Variants in PARP4 observed in about 807,000 individuals in gnomAD.
The protein encoded by PARP4 is poly(ADP-ribose) polymerase family member 4.
In PARP4, 120 loss-of-function variants were observed where a neutral mutation model predicts 187.7. The ratio of observed to expected loss-of-function variants is 0.64; its 90% confidence interval spans 0.55 to 0.74. The LOEUF is 0.74. Ranked by LOEUF, PARP4 falls within the 30% of genes least tolerant of loss-of-function variation. PARP4 has a pLI of 0.00. For synonymous variants in PARP4, 654 were observed against 740.9 expected (o/e 0.88, Z 1.90); for missense variants, 1,836 against 2,070.5 (o/e 0.89, Z 2.20).
chr13:24,455,506 T>TATATATATCACA (rs1555234626), intron 21 of PARP4, among the ~76,000 whole-genome samples: 19 of 135,436 alleles, frequency 1.4e-4, no homozygotes, highest in African/African-American at 2.5e-4. Flanking sequence ...TATATATATA[T>TATATATATCACA]CACACTATTC....
At position 24,456,444 on chromosome 13, in the gene PARP4, T is replaced by G; in HGVS notation, c.2459A>C (p.Glu820Ala). Residue 820 changes from glutamate (E) to alanine (A), a missense_variant, in exon 21 of 34, where the codon GAA (glutamate) becomes GCA (alanine). Around this residue, in one of 8 missense-constraint regions of PARP4, gnomAD observed 1,147 missense variants for 1,214.2 expected, o/e 0.94. Coordinates refer to ENST00000381989, the MANE Select transcript of PARP4 (RefSeq NM_006437.4). ...TCCACTGCTGTCTAAGGAGCTGCCT[T>G]CCATGGTGCTAATGACAGCTTTGCA... is the stretch of plus-strand genomic sequence containing the variant. ...TDCKAVISTMEGSSLDSSGFS... is the reference protein window; with the variant it reads ...TDCKAVISTMAGSSLDSSGFS... 6.2e-7 allele frequency: 1 copy of G among 1,608,644 alleles called. No individual in the cohort carries two copies. The highest frequency in any genetic ancestry group is 8.5e-7 in the Non-Finnish European group (1 of 1,175,772).
chr13:24,469,065 T>A lies in PARP4; in HGVS notation c.2092A>T (p.Thr698Ser). Residue 698 changes from threonine to serine, a missense_variant, in exon 17 of 34, where the codon ACC (threonine) becomes TCC (serine). Coordinates refer to ENST00000381989, the MANE Select transcript of PARP4 (RefSeq NM_006437.4). ...EAQQEYLEAVTQGHGAYLMSQ... is the reference protein window; with the variant it reads ...EAQQEYLEAVSQGHGAYLMSQ... Reference sequence around the variant, plus strand: ...ATCAGGTAAGCGCCATGGCCCTGGGTCACGGCTTCTAGGTACTCTTGCTGG... The same window carrying A: ...ATCAGGTAAGCGCCATGGCCCTGGGACACGGCTTCTAGGTACTCTTGCTGG... 6.2e-7 allele frequency: 1 copy of A among 1,614,008 alleles called. No homozygotes were observed. Among genetic ancestry groups the A allele is most frequent in the Non-Finnish European group, 8.5e-7 (1 of 1,179,862 alleles).
At chr13:24,479,227 T>C (rs918061071) in intron 12 of PARP4, among the ~76,000 whole-genome samples, 16 of 152,192 alleles carry the variant, frequency 1.1e-4, no homozygotes, top group African/African-American at 3.6e-4. Context: ...TGCCGAAGTA[T>C]GGCCAGACGA....
Position 24,445,280 on chromosome 13 carries a change from T to C in PARP4, c.3366+1401A>G, listed in dbSNP as rs1479418344. On this transcript the variant is annotated intron_variant, in intron 27 of 33. Transcript: ENST00000381989. ...CTACAGACATAAGAAATGTATGTAT[T>C]TGTTATTCCTAACAGGACCCTTCAA... is the stretch of plus-strand genomic sequence containing the variant. 2.0e-5 allele frequency among the ~76,000 whole-genome samples: 3 copies of C among 151,932 alleles called. No individual in the cohort carries two copies. In the East Asian group the frequency reaches 5.8e-4, roughly 29 times the overall value.
Position 24,479,411 on chromosome 13 carries a change from C to T in PARP4, c.1449-1135G>A, listed in dbSNP as rs145075297. 5.9e-4 allele frequency among the ~76,000 whole-genome samples: 90 copies of T among 152,302 alleles called. No homozygotes were observed. The East Asian group carries it at 9.7e-3, about 16-fold the overall frequency. ...CTCTCTATTCCTTCCTATCTCACCA[C>T]GTTCTGGCAAAGGGGGCCCAGCTGG... is the stretch of plus-strand genomic sequence containing the variant. On this transcript the variant is annotated intron_variant, in intron 12 of 33. Coordinates refer to ENST00000381989, the MANE Select transcript of PARP4 (RefSeq NM_006437.4).
At chr13:24,498,331 A>G (rs1255219848) in intron 5 of PARP4, 102 bp from the exon 6 acceptor site, 5 of 691,860 alleles carry the variant, frequency 7.2e-6, no homozygotes, top group Non-Finnish European at 1.2e-5. Flanking sequence ...GTTCATTTAG[A>G]GATATAATTT....
intron 1 of PARP4, among the ~76,000 whole-genome samples, chr13:24,505,680 CACCACGCCCGGCTAATATTTTTCATTT>C (rs1869600060): frequency 1.3e-5 from 2 of 152,226 alleles, no homozygotes; most frequent in African/African-American, 4.8e-5. Context: ...AGGCCCGCGC[CACCACGCCCGGCTAATATTTTTCATTT>C]TTAGTAAAGA....
At chr13:24,483,275 A>C (rs1039869201) in intron 12 of PARP4, among the ~76,000 whole-genome samples, 1 of 151,402 alleles carries the variant, frequency 6.6e-6, no homozygotes, top group Admixed American at 6.6e-5. Context: ...TCATGAGGTC[A>C]GGAGATCGAG....
intron 17 of PARP4, among the ~76,000 whole-genome samples, chr13:24,466,498 A>G (rs1176358306): frequency 1.3e-5 from 2 of 152,106 alleles, no homozygotes; most frequent in Non-Finnish European, 2.9e-5. Flanking sequence ...AAAACTTTTT[A>G]AGAGAGAGAG....
At chr13:24,485,849 T>A (rs1873523588) in intron 11 of PARP4, among the ~76,000 whole-genome samples, 1 of 152,170 alleles carries the variant, frequency 6.6e-6, no homozygotes, top group Non-Finnish European at 1.5e-5. Flanking sequence ...AAATAATAAA[T>A]ACATAATTTT....
intron 32 of PARP4, among the ~76,000 whole-genome samples, chr13:24,430,935 G>T (rs1316248829): frequency 5.3e-5 from 8 of 152,160 alleles, no homozygotes; most frequent in African/African-American, 4.8e-5. Context: ...GCAGGGGGAT[G>T]ATGCCAGGGT....
intron 15 of PARP4, among the ~76,000 whole-genome samples, chr13:24,471,181 G>A (rs1872716216): frequency 6.6e-6 from 1 of 152,152 alleles, no homozygotes; most frequent in Non-Finnish European, 1.5e-5. Flanking sequence ...ATCCTGTCTT[G>A]GATTTCCTCA....
chr13:24,481,856 G>A (rs1253554483), intron 12 of PARP4, among the ~76,000 whole-genome samples: 2 of 152,118 alleles, frequency 1.3e-5, no homozygotes, highest in African/African-American at 4.8e-5. Context: ...AATGGATCAA[G>A]ACCCCAACTC....
chr13:24,506,157 G>C (rs1304450701), intron 1 of PARP4, among the ~76,000 whole-genome samples: 2 of 151,610 alleles, frequency 1.3e-5, no homozygotes, highest in South Asian at 2.1e-4. Flanking sequence ...TTCCTTCCTT[G>C]GTCTCACTGA....
rs373054504 is a variant in PARP4, at chr13:24,503,657, C to A, written c.120G>T (p.Ser40=). 1 of 1,612,558 alleles carries A rather than the reference C, an allele frequency of 6.2e-7. No individual in the cohort carries two copies. Among genetic ancestry groups the A allele is most frequent in the African/African-American group, 1.3e-5 (1 of 74,888 alleles). ...IKENGGKFSF[S]LNPQCTHIIL... Reference sequence around the variant, plus strand: ...CACTTGGAAATACCTGAGGATTTAACGAAAAGGAAAACTTTCCGCCATTTT... The same window carrying A: ...CACTTGGAAATACCTGAGGATTTAAAGAAAAGGAAAACTTTCCGCCATTTT... The change falls in exon 2 of 34, where the codon TCG becomes TCT. Residue 40 remains serine, a synonymous_variant. Coordinates refer to ENST00000381989, the MANE Select transcript of PARP4 (RefSeq NM_006437.4).
At chr13:24,482,149 T>C (rs188616252) in intron 12 of PARP4, among the ~76,000 whole-genome samples, 201 of 152,292 alleles carry the variant, frequency 1.3e-3, no homozygotes, top group African/African-American at 4.2e-3. Context: ...AGAATTACAA[T>C]TGGAGCCTGA....
intron 32 of PARP4, among the ~76,000 whole-genome samples, chr13:24,430,368 C>G (rs114195066): frequency 0.024 from 3,699 of 152,220 alleles, 105 homozygotes; most frequent in African/African-American, 0.066. Context: ...AAAAAAATCT[C>G]CAGGCTGAGC....
intron 22 of PARP4, among the ~76,000 whole-genome samples, chr13:24,454,427 C>A (rs1456675825): frequency 1.3e-5 from 2 of 152,204 alleles, no homozygotes; most frequent in African/African-American, 2.4e-5. Context: ...CACTCCACTC[C>A]ACGCACCTCT....
At chr13:24,488,229 C>T (rs1443737636) in intron 10 of PARP4, among the ~76,000 whole-genome samples, 3 of 143,454 alleles carry the variant, frequency 2.1e-5, no homozygotes, top group Non-Finnish European at 4.6e-5. Context: ...AGCTTATTGC[C>T]CTCCTGATTC....
Sources: allele counts gnomAD v4.1 joint callset (sites outside exome capture counted in the v4.1 genomes callset), GRCh38; gene constraint gnomAD v4.1.1; regional missense constraint gnomAD v4.1.1; transcripts MANE v1.5; gene names NCBI Gene and HGNC (gene_info 2026-07-23, HGNC 2026-07-21).